Variants in FSTL5 observed in about 807,000 individuals in gnomAD.
The protein encoded by FSTL5 is follistatin-related protein 5.
In FSTL5, 62 loss-of-function variants were observed where a neutral mutation model predicts 89.1. That is an observed-to-expected ratio of 0.70 (90% CI 0.57 to 0.86). The LOEUF (loss-of-function observed/expected upper bound fraction) is 0.86. Among genes scored for constraint, FSTL5 ranks in the 40% least tolerant of loss-of-function variants. The probability of loss-of-function intolerance (pLI) is 0.00; values close to 1 mark genes in which losing one functional copy is unlikely to be tolerated. For synonymous variants in FSTL5, 383 were observed against 346.2 expected, an observed-to-expected ratio of 1.11 and a Z score of -1.18; for missense variants, 1,057 against 1,001.6, an observed-to-expected ratio of 1.06 and a Z score of -0.75.
At chr4:162,060,384 A>G (rs1229143188) in intron 2 of FSTL5, among the ~76,000 whole-genome samples, 5 of 152,102 alleles carry the variant, frequency 3.3e-5, no homozygotes, top group African/African-American at 1.2e-4. Flanking sequence ...TGGTGATTCT[A>G]TTTCTCTAAT....
intron 5 of FSTL5, among the ~76,000 whole-genome samples, chr4:161,768,468 A>AGAC (rs374128192): frequency 6.8e-4 from 104 of 152,146 alleles, no homozygotes; most frequent in African/African-American, 2.3e-3. Flanking sequence ...TCGACTTGAG[A>AGAC]GACAGACTTA....
chr4:161,907,282 T>C (rs779158139), intron 4 of FSTL5, among the ~76,000 whole-genome samples: 7 of 152,142 alleles, frequency 4.6e-5, no homozygotes, highest in Non-Finnish European at 7.4e-5. Context: ...GCAATTGATA[T>C]GGGTCTATCT....
chr4:161,770,506 A>G (rs191666306), intron 5 of FSTL5, among the ~76,000 whole-genome samples: 28 of 152,094 alleles, frequency 1.8e-4, no homozygotes, highest in African/African-American at 6.3e-4. Flanking sequence ...TTAAAAATTA[A>G]TAAATAAAAA....
At position 161,645,285 on chromosome 4, in the gene FSTL5, A is replaced by G. The variant is rs574072081; in HGVS notation, c.894+11043T>C. On this transcript the variant is annotated intron_variant, in intron 7 of 15. Coordinates refer to ENST00000306100, the MANE Select transcript of FSTL5 (RefSeq NM_020116.5). ...GATAAAATTATGTTTCTATGTTAAT[A>G]TTCCTTATGAACATGTAAATAATAT... Among the ~76,000 whole-genome samples, 7 of 152,274 alleles carry G rather than the reference A, an allele frequency of 4.6e-5. No homozygotes were observed. In the South Asian group the frequency reaches 1.5e-3, roughly 32 times the overall value.
intron 2 of FSTL5, among the ~76,000 whole-genome samples, chr4:162,052,799 TACTC>T (rs1437261769): frequency 6.6e-6 from 1 of 151,900 alleles, no homozygotes; most frequent in Non-Finnish European, 1.5e-5. Context: ...ACTTAAAATC[TACTC>T]TCTTAGTTTT....
intron 6 of FSTL5, among the ~76,000 whole-genome samples, chr4:161,751,932 G>A (rs1740406221): frequency 6.6e-6 from 1 of 152,104 alleles, no homozygotes; most frequent in Non-Finnish European, 1.5e-5. Flanking sequence ...GTATATATGG[G>A]ATTATTTTAT....
intron 12 of FSTL5, among the ~76,000 whole-genome samples, chr4:161,493,528 A>G (rs1421839109): frequency 6.6e-6 from 1 of 151,982 alleles, no homozygotes; most frequent in African/African-American, 2.4e-5. Context: ...TAAATCTTAG[A>G]TGAAAAGACT....
intron 13 of FSTL5, among the ~76,000 whole-genome samples, chr4:161,462,181 C>G (rs144795353): frequency 1.3e-5 from 2 of 152,290 alleles, no homozygotes; most frequent in Admixed American, 1.3e-4. Flanking sequence ...GGTCCTCCAG[C>G]CAATAACAAG....
intron 2 of FSTL5, among the ~76,000 whole-genome samples, chr4:162,041,516 A>G (rs1578977618): frequency 6.6e-6 from 1 of 152,170 alleles, no homozygotes. Context: ...GAAAAGTTAT[A>G]GAGTGTCAGT....
At chr4:161,918,286 A>T (rs1212118702) in intron 4 of FSTL5, among the ~76,000 whole-genome samples, 2 of 152,178 alleles carry the variant, frequency 1.3e-5, no homozygotes, top group Non-Finnish European at 2.9e-5. Context: ...TTTATGAGTT[A>T]GTTGTATTTT....
At chr4:161,512,051 G>A (rs923863732) in intron 10 of FSTL5, among the ~76,000 whole-genome samples, 1 of 151,984 alleles carries the variant, frequency 6.6e-6, no homozygotes, top group Non-Finnish European at 1.5e-5. Context: ...TATATTTGGC[G>A]GGTAAGACTG....
At chr4:161,431,559 G>A (rs1008430795) in intron 15 of FSTL5, among the ~76,000 whole-genome samples, 2 of 151,016 alleles carry the variant, frequency 1.3e-5, no homozygotes, top group Admixed American at 1.3e-4. Flanking sequence ...AGAAAGAGAA[G>A]ACCACAAAAC....
chr4:161,970,682 C>T (rs1398132695), intron 3 of FSTL5, among the ~76,000 whole-genome samples: 3 of 151,756 alleles, frequency 2.0e-5, no homozygotes, highest in Admixed American at 6.6e-5. Context: ...GACTATTACA[C>T]CAAGTTTTCT....
intron 6 of FSTL5, among the ~76,000 whole-genome samples, chr4:161,731,205 AGAT>A (rs1263246941): frequency 6.6e-6 from 1 of 152,198 alleles, no homozygotes; most frequent in African/African-American, 2.4e-5. Context: ...CACACACTCA[AGAT>A]GATGAATCTG....
chr4:162,066,683 T>C (rs907143327), intron 2 of FSTL5, among the ~76,000 whole-genome samples: 2 of 150,820 alleles, frequency 1.3e-5, no homozygotes, highest in African/African-American at 4.9e-5. Flanking sequence ...ACATGTGGTA[T>C]TTGGTTTTCT....
At chr4:161,765,028 C>A (rs973794904) in intron 5 of FSTL5, among the ~76,000 whole-genome samples, 1 of 152,168 alleles carries the variant, frequency 6.6e-6, no homozygotes, top group African/African-American at 2.4e-5. Flanking sequence ...GTTAAGTGAT[C>A]ATTGTTGCTC....
intron 6 of FSTL5, among the ~76,000 whole-genome samples, chr4:161,690,895 A>G (rs1737919154): frequency 1.3e-5 from 2 of 152,144 alleles, no homozygotes; most frequent in African/African-American, 4.8e-5. Flanking sequence ...AAATGAGAAC[A>G]TGCAGTATTT....
chr4:161,601,422 C>T (rs1004403603), intron 7 of FSTL5, among the ~76,000 whole-genome samples: 1 of 151,570 alleles, frequency 6.6e-6, no homozygotes, highest in African/African-American at 2.4e-5. Context: ...AAAGACCCTC[C>T]TTGTTCCAGA....
At chr4:162,087,347 G>A (rs973518) in intron 2 of FSTL5, among the ~76,000 whole-genome samples, 95,765 of 151,862 alleles carry the variant, frequency 0.63, 30,414 homozygotes, top group Middle Eastern at 0.75. Context: ...GCATCAAACT[G>A]TAAAGCACAG....
Sources: allele counts gnomAD v4.1 joint callset (sites outside exome capture counted in the v4.1 genomes callset), GRCh38; gene constraint gnomAD v4.1.1; transcripts MANE v1.5; gene names NCBI Gene and HGNC (gene_info 2026-07-23, HGNC 2026-07-21).